The following DNER variants were observed in gnomAD, a reference collection of about 807,000 sequenced individuals.
DNER encodes the protein delta and Notch-like epidermal growth factor-related receptor.
A neutral mutation model predicts 78.2 loss-of-function variants in DNER; 33 were observed. The ratio of observed to expected loss-of-function variants is 0.42; its 90% CI spans 0.32 to 0.56. DNER has a LOEUF of 0.56. Among genes scored for constraint, DNER ranks in the 20% least tolerant of loss-of-function variants. The pLI is 0.11. For missense variants in DNER, 918 were observed against 975.3 expected, an observed-to-expected ratio of 0.94 and a Z score of 0.78; for synonymous variants, 417 against 384.8, an observed-to-expected ratio of 1.08 and a Z score of -0.98.
At chr2:229,446,288 TC>T (rs926152266) in intron 8 of DNER, among the ~76,000 whole-genome samples, 2 of 152,196 alleles carry the variant, frequency 1.3e-5, no homozygotes, top group African/African-American at 4.8e-5. Flanking sequence ...ACACAGTTCC[TC>T]CCAGCCCTAA....
At chr2:229,413,152 T>A (rs2396661) in intron 9 of DNER, among the ~76,000 whole-genome samples, 3 of 151,832 alleles carry the variant, frequency 2.0e-5, no homozygotes, top group South Asian at 2.1e-4. Flanking sequence ...TCTAAGAGTC[T>A]TACATTATTA....
intron 5 of DNER, among the ~76,000 whole-genome samples, chr2:229,545,539 A>T (rs143811304): frequency 7.0e-4 from 107 of 152,298 alleles, no homozygotes; most frequent in African/African-American, 2.6e-3. Flanking sequence ...GCGCCACTGC[A>T]CTCCAGCCTG....
At chr2:229,483,848 C>A (rs1002038581) in intron 6 of DNER, among the ~76,000 whole-genome samples, 2 of 152,142 alleles carry the variant, frequency 1.3e-5, no homozygotes, top group Non-Finnish European at 2.9e-5. Context: ...GCTCTTATTT[C>A]TACTTGAAAC....
chr2:229,479,656 C>T (rs1020361272), intron 6 of DNER, among the ~76,000 whole-genome samples: 8 of 148,384 alleles, frequency 5.4e-5, no homozygotes, highest in East Asian at 2.0e-4. Flanking sequence ...GAGGTTACAG[C>T]GAGCCGAGAT....
chr2:229,361,582 A>T (rs577807813), intron 12 of DNER, among the ~76,000 whole-genome samples: 6 of 152,312 alleles, frequency 3.9e-5, no homozygotes, highest in African/African-American at 1.4e-4. Flanking sequence ...CAGGTCCCTG[A>T]TGAAGACCAC....
chr2:229,530,143 A>C (rs1358418457), intron 5 of DNER, among the ~76,000 whole-genome samples: 1 of 152,242 alleles, frequency 6.6e-6, no homozygotes, highest in African/African-American at 2.4e-5. Context: ...TTTTCTATAG[A>C]TATAGACCTA....
chr2:229,441,480 T>C (rs866242567), intron 8 of DNER, among the ~76,000 whole-genome samples: 7 of 152,236 alleles, frequency 4.6e-5, no homozygotes, highest in East Asian at 3.9e-4. Context: ...GGATTTATTA[T>C]AGGATTTGAA....
At chr2:229,669,627 A>G (rs1699173153) in intron 1 of DNER, among the ~76,000 whole-genome samples, 1 of 152,072 alleles carries the variant, frequency 6.6e-6, no homozygotes, top group African/African-American at 2.4e-5. Context: ...GGGGTCCTTC[A>G]CATCCCTTAA....
chr2:229,554,094 A>C (rs1696801040), intron 4 of DNER, among the ~76,000 whole-genome samples: 1 of 152,190 alleles, frequency 6.6e-6, no homozygotes, highest in Non-Finnish European at 1.5e-5. Flanking sequence ...AACTTTTTAT[A>C]ATTATGCCTG....
chr2:229,548,402 C>T (rs1248035279), intron 4 of DNER, among the ~76,000 whole-genome samples: 3 of 152,264 alleles, frequency 2.0e-5, no homozygotes, highest in Non-Finnish European at 1.5e-5. Context: ...CCGTGGAATA[C>T]CATGCAGCCA....
chr2:229,473,844 T>C (rs952661047), intron 7 of DNER, among the ~76,000 whole-genome samples: 2 of 152,222 alleles, frequency 1.3e-5, no homozygotes, highest in Non-Finnish European at 2.9e-5. Flanking sequence ...TTTGAGGCTC[T>C]GCTCAGACTT....
At chr2:229,659,956 A>T (rs952790484) in intron 1 of DNER, among the ~76,000 whole-genome samples, 1 of 152,150 alleles carries the variant, frequency 6.6e-6, no homozygotes, top group African/African-American at 2.4e-5. Context: ...TATTTTGTCT[A>T]CATCTTACTG....
intron 4 of DNER, among the ~76,000 whole-genome samples, chr2:229,554,264 G>A (rs1696804436): frequency 1.3e-5 from 2 of 152,178 alleles, no homozygotes; most frequent in Non-Finnish European, 2.9e-5. Flanking sequence ...AAAGTAGTAT[G>A]ACGTTCAATT....
chr2:229,547,696 G>A (rs1333841959), intron 4 of DNER, among the ~76,000 whole-genome samples: 2 of 152,174 alleles, frequency 1.3e-5, no homozygotes, highest in Non-Finnish European at 2.9e-5. Context: ...TGACTCCACA[G>A]TATCAAGTTA....
chr2:229,482,098 A>G lies in DNER; in HGVS notation c.1148-4845T>C, dbSNP rs536859934. On this transcript the variant is annotated intron_variant, in intron 6 of 12. Transcript: ENST00000341772. ...AAATGACGAAAGTCTATACCTAACCATGGAGGCAAGTATCAGCAATTGTCT... is the reference window on the plus strand; with the variant it reads ...AAATGACGAAAGTCTATACCTAACCGTGGAGGCAAGTATCAGCAATTGTCT... 3.9e-5 allele frequency among the ~76,000 whole-genome samples: 6 copies of G among 152,368 alleles called. No homozygotes were observed. In the South Asian group the frequency reaches 1.0e-3, roughly 26 times the overall value.
intron 12 of DNER, among the ~76,000 whole-genome samples, chr2:229,362,765 T>C (rs1419023002): frequency 6.6e-6 from 1 of 152,198 alleles, no homozygotes; most frequent in East Asian, 1.9e-4. Flanking sequence ...GCACCAGTAA[T>C]ATCAGTTAGC....
intron 1 of DNER, among the ~76,000 whole-genome samples, chr2:229,618,610 T>C (rs1372996517): frequency 2.0e-5 from 3 of 152,190 alleles, no homozygotes. Flanking sequence ...CAAGGCTTAG[T>C]TCTTCCACCA....
chr2:229,440,730 T>A (rs188349536), intron 8 of DNER, among the ~76,000 whole-genome samples: 44 of 152,072 alleles, frequency 2.9e-4, no homozygotes, highest in African/African-American at 1.1e-3. Flanking sequence ...CTAAAGAGGG[T>A]GCGTATGCAC....
chr2:229,499,325 G>T (rs1695564160), intron 6 of DNER, among the ~76,000 whole-genome samples: 1 of 151,210 alleles, frequency 6.6e-6, no homozygotes, highest in Non-Finnish European at 1.5e-5. Context: ...GGTGCCTGTA[G>T]TCCCAGCTAC....
Sources: gnomAD v4.1 joint callset for allele counts (sites outside exome capture counted in the v4.1 genomes callset) on GRCh38, gnomAD v4.1.1 for gene constraint, MANE v1.5 for transcripts, NCBI Gene and HGNC (gene_info 2026-07-23, HGNC 2026-07-21) for gene names.